Variants in SGK2 observed in about 807,000 individuals in gnomAD.
SGK2 encodes the protein serine/threonine-protein kinase Sgk2.
In SGK2, 36 loss-of-function variants were observed where a neutral mutation model predicts 47.5. The ratio of observed to expected loss-of-function variants is 0.76; its 90% CI spans 0.58 to 1.00. SGK2 has a LOEUF of 1.00. Among genes scored for constraint, SGK2 ranks in the 50% least tolerant of loss-of-function variants. SGK2 has a pLI of 0.00. For missense variants in SGK2, 404 were observed against 467.4 expected (o/e 0.86, Z 1.25); for synonymous variants, 157 against 181.9 (o/e 0.86, Z 1.10).
chr20:43,577,491 A>G (rs1348756640), intron 11 of SGK2, among the ~76,000 whole-genome samples: 1 of 151,386 alleles, frequency 6.6e-6, no homozygotes, highest in East Asian at 2.0e-4. Context: ...AGCTGGGACT[A>G]CAGGCACCCG....
At chr20:43,560,327 C>T (rs1309238870) in intron 1 of SGK2, among the ~76,000 whole-genome samples, 2 of 152,036 alleles carry the variant, frequency 1.3e-5, no homozygotes, top group Non-Finnish European at 1.5e-5. Flanking sequence ...GGTGGAACCT[C>T]GTCTCGACTA....
chr20:43,574,834 C>T, intron 9 of SGK2, 75 bp from the exon 10 acceptor site: 1 of 1,074,728 alleles, frequency 9.3e-7, no homozygotes, highest in South Asian at 1.3e-5. Context: ...TCATCTTCCT[C>T]CAAGTGCCTT....
intron 11 of SGK2, among the ~76,000 whole-genome samples, chr20:43,579,011 CTT>C (rs10523244): frequency 7.4e-3 from 1,054 of 142,886 alleles, no homozygotes; most frequent in African/African-American, 0.027. Context: ...CTTTCGGAGG[CTT>C]TTTTTTTTTT....
At chr20:43,583,709 C>A (rs1379250817) in intron 12 of SGK2, 8 of 651,398 alleles carry the variant, frequency 1.2e-5, no homozygotes, top group African/African-American at 7.9e-5. Flanking sequence ...TAGTTCATAT[C>A]TGTAACCCCA....
intron 6 of SGK2, among the ~76,000 whole-genome samples, chr20:43,569,823 G>C (rs1393013290): frequency 6.6e-6 from 1 of 152,132 alleles, no homozygotes; most frequent in African/African-American, 2.4e-5. Flanking sequence ...AATGCTAAGA[G>C]GAGCTCGTGG....
In SGK2 at chr20:43,585,042, AG is replaced by A; in HGVS notation, c.*28del. Reference sequence around the variant, plus strand: ...AAGAGAAGGACCTGTGAAACTACTGAGGCCAGCTGGTATTAGTAAGGAATTA... The same window carrying A: ...AAGAGAAGGACCTGTGAAACTACTGAGCCAGCTGGTATTAGTAAGGAATTA... On this transcript the variant is annotated 3_prime_UTR_variant, in exon 13 of 13. Coordinates refer to ENST00000373100, the MANE Select transcript of SGK2 (RefSeq NM_170693.3). 6.2e-7 allele frequency: 1 copy of A among 1,601,278 alleles called. No homozygotes were observed. The highest frequency in any genetic ancestry group is 8.5e-7 in the Non-Finnish European group (1 of 1,171,404).
chr20:43,567,040 T>G, intron 2 of SGK2, 28 bp from the exon 3 acceptor site: 1 of 1,605,880 alleles, frequency 6.2e-7, no homozygotes, highest in Non-Finnish European at 8.5e-7. Flanking sequence ...AGTAGGGATC[T>G]GCTGATCATA....
At position 43,580,287 on chromosome 20, in the gene SGK2, C is replaced by CT. The variant is rs562604863; in HGVS notation, c.939+227dup. Among the ~76,000 whole-genome samples, 4 of 152,358 alleles carry CT rather than the reference C, an allele frequency of 2.6e-5. No individual in the cohort carries two copies. The South Asian group carries it at 8.3e-4, about 32-fold the overall frequency. ...TTGTCTTGAGCACCAATAAATAACT[C>CT]TGGCTGCAGAGACTTTTACAGTTTG... On this transcript the variant is annotated intron_variant, in intron 12 of 12. Coordinates refer to ENST00000373100, the MANE Select transcript of SGK2 (RefSeq NM_170693.3).
intron 12 of SGK2, chr20:43,583,589 A>C: frequency 1.0e-6 from 1 of 985,408 alleles, no homozygotes; most frequent in Non-Finnish European, 1.2e-6. Context: ...TGCTTACTTC[A>C]TAAAACCCAG....
chr20:43,569,267 G>C, intron 5 of SGK2, 118 bp from the exon 6 acceptor site: 3 of 1,311,462 alleles, frequency 2.3e-6, no homozygotes, highest in Non-Finnish European at 3.2e-6. Flanking sequence ...TGTTTGAGCA[G>C]GGGCATGAGA....
chr20:43,568,001 T>A lies in SGK2; in HGVS notation c.228+2T>A, dbSNP rs1979845247. 6.2e-7 allele frequency: 1 copy of A among 1,612,974 alleles called. No individual in the cohort carries two copies. The highest frequency in any genetic ancestry group is 8.5e-7 in the Non-Finnish European group (1 of 1,179,068). Reference sequence around the variant, plus strand: ...AAGTCCATCTTAAAGAAGAAAGAGGTACCAGAGCTCGGGCACAGGCATTTC... The same window carrying A: ...AAGTCCATCTTAAAGAAGAAAGAGGAACCAGAGCTCGGGCACAGGCATTTC... On this transcript the variant is annotated splice_donor_variant, in intron 5 of 12. Transcript: ENST00000373100. LOFTEE classifies it high-confidence loss of function.
Position 43,576,281 on chromosome 20 carries a change from C to T in SGK2, c.751C>T (p.Leu251=). 1 of 1,614,258 alleles carries T rather than the reference C, an allele frequency of 6.2e-7. No homozygotes were observed. Among genetic ancestry groups the T allele is most frequent in the Non-Finnish European group, 8.5e-7 (1 of 1,180,048 alleles). The stretch of plus-strand genomic sequence containing the variant: ...GTATGAGAACATTCTGCACCAGCCG[C>T]TACAGATCCCCGGAGGCCGGACAGT... ...QMYENILHQP[L]QIPGGRTVAA... The change falls in exon 11 of 13, where the codon CTA becomes TTA. Residue 251 remains leucine, a synonymous_variant. Transcript: ENST00000373100.
chr20:43,559,817 C>T (rs1979281082), intron 1 of SGK2, among the ~76,000 whole-genome samples: 1 of 152,072 alleles, frequency 6.6e-6, no homozygotes. Context: ...ACTGTCCCAC[C>T]CCCACACCCC....
At chr20:43,570,208 T>C (rs768498498) in intron 6 of SGK2, among the ~76,000 whole-genome samples, 11 of 152,162 alleles carry the variant, frequency 7.2e-5, no homozygotes, top group Non-Finnish European at 2.9e-5. Flanking sequence ...AAGCATAATC[T>C]TTGAACCACG....
chr20:43,579,834 G>T, intron 11 of SGK2, 138 bp from the exon 12 acceptor site: 1 of 678,962 alleles, frequency 1.5e-6, no homozygotes, highest in East Asian at 2.6e-5. Flanking sequence ...CTTGTCCCAG[G>T]AAACTAGCCA....
At chr20:43,579,900 G>A in intron 11 of SGK2, 72 bp from the exon 12 acceptor site, 2 of 905,704 alleles carry the variant, frequency 2.2e-6, no homozygotes, top group African/African-American at 1.6e-5. Flanking sequence ...TCTGGAGGAT[G>A]TGGGGGTGAG....
chr20:43,561,199 G>A (rs2145524304), intron 1 of SGK2, among the ~76,000 whole-genome samples: 1 of 152,230 alleles, frequency 6.6e-6, no homozygotes. Flanking sequence ...GGGGAAGAGT[G>A]TTGTAGGCAG....
intron 9 of SGK2, among the ~76,000 whole-genome samples, chr20:43,573,865 C>T (rs896934857): frequency 2.0e-5 from 3 of 152,106 alleles, no homozygotes; most frequent in African/African-American, 4.8e-5. Flanking sequence ...TTGCTAGGGA[C>T]GGGAACAAAG....
chr20:43,578,155 C>T (rs979705458), intron 11 of SGK2, among the ~76,000 whole-genome samples: 1 of 152,040 alleles, frequency 6.6e-6, no homozygotes, highest in African/African-American at 2.4e-5. Context: ...ATTTTCTCAC[C>T]AGGAGTTTGC....
Sources: allele counts gnomAD v4.1 joint callset (sites outside exome capture counted in the v4.1 genomes callset), GRCh38; gene constraint gnomAD v4.1.1; transcripts MANE v1.5; gene names NCBI Gene and HGNC (gene_info 2026-07-23, HGNC 2026-07-21).